The following PRKG1 variants were observed in gnomAD, a reference collection of about 807,000 sequenced individuals.
PRKG1 encodes the protein protein kinase cGMP-dependent 1, also known as cGMP-dependent protein kinase 1.
A neutral mutation model predicts 88.1 loss-of-function variants in PRKG1; 35 were observed. That is an observed-to-expected ratio of 0.40 (90% CI 0.30 to 0.53). The LOEUF is 0.53. PRKG1 is among the 20% of genes least tolerant of loss of function. The pLI, the probability that PRKG1 is intolerant of heterozygous loss-of-function variation, is 0.59. For missense variants in PRKG1, 540 were observed against 839.8 expected, an observed-to-expected ratio of 0.64 and a Z score of 4.41; for synonymous variants, 303 against 292.5, an observed-to-expected ratio of 1.04 and a Z score of -0.37.
intron 3 of PRKG1, among the ~76,000 whole-genome samples, chr10:51,551,010 G>A (rs2339791): frequency 0.12 from 18,419 of 151,790 alleles, 1,555 homozygotes; most frequent in Non-Finnish European, 0.19. Context: ...CCAAATTCAG[G>A]CATATAAAAA....
chr10:52,181,053 T>C (rs1280414833), intron 9 of PRKG1, among the ~76,000 whole-genome samples: 2 of 152,144 alleles, frequency 1.3e-5, no homozygotes, highest in Non-Finnish European at 2.9e-5. Context: ...GGGCAGCCAA[T>C]AAGGCTATTT....
chr10:51,940,158 A>G (rs915190249), intron 5 of PRKG1, among the ~76,000 whole-genome samples: 4 of 151,812 alleles, frequency 2.6e-5, no homozygotes, highest in Admixed American at 1.3e-4. Context: ...AGACAGGTAT[A>G]CCAAATATCC....
At chr10:51,855,089 C>T (rs1053589329) in intron 4 of PRKG1, among the ~76,000 whole-genome samples, 3 of 152,180 alleles carry the variant, frequency 2.0e-5, no homozygotes, top group African/African-American at 4.8e-5. Context: ...AATCATTCAG[C>T]ATAATGTCGT....
intron 2 of PRKG1, among the ~76,000 whole-genome samples, chr10:51,230,419 G>C (rs1399424390): frequency 6.6e-6 from 1 of 151,874 alleles, no homozygotes; most frequent in African/African-American, 2.4e-5. Flanking sequence ...ACTTACTGTT[G>C]GTATTTTTAC....
At chr10:52,189,036 A>C (rs537563298) in intron 9 of PRKG1, among the ~76,000 whole-genome samples, 1 of 152,328 alleles carries the variant, frequency 6.6e-6, no homozygotes, top group African/African-American at 2.4e-5. Context: ...TTATTTAATA[A>C]GAAGGAAAAT....
At chr10:51,587,368 G>A (rs7099516) in intron 3 of PRKG1, among the ~76,000 whole-genome samples, 5 of 152,012 alleles carry the variant, frequency 3.3e-5, no homozygotes, top group African/African-American at 4.8e-5. Context: ...TGTAAATTAC[G>A]CATGTCAAAC....
intron 2 of PRKG1, among the ~76,000 whole-genome samples, chr10:51,407,784 C>A (rs147909142): frequency 6.6e-6 from 1 of 152,144 alleles, no homozygotes; most frequent in Non-Finnish European, 1.5e-5. Context: ...TAAGAGACAC[C>A]CTAATGGATC....
chr10:52,013,187 G>A (rs1164267879), intron 5 of PRKG1, among the ~76,000 whole-genome samples: 2 of 152,082 alleles, frequency 1.3e-5, no homozygotes, highest in African/African-American at 4.8e-5. Flanking sequence ...GGGAAGCCAA[G>A]GCAGGAAGAT....
intron 2 of PRKG1, among the ~76,000 whole-genome samples, chr10:51,310,573 C>G (rs1268356046): frequency 6.6e-6 from 1 of 152,206 alleles, no homozygotes; most frequent in Non-Finnish European, 1.5e-5. Context: ...GCCTCTTATA[C>G]TTGGCTGACT....
At chr10:51,872,659 T>C (rs767247634) in intron 4 of PRKG1, among the ~76,000 whole-genome samples, 1 of 152,196 alleles carries the variant, frequency 6.6e-6, no homozygotes. Context: ...ACGTGCTTAC[T>C]GGTAAATCCT....
At chr10:51,338,745 A>C (rs765393259) in intron 2 of PRKG1, among the ~76,000 whole-genome samples, 20 of 152,320 alleles carry the variant, frequency 1.3e-4, no homozygotes, top group Non-Finnish European at 2.8e-4. Context: ...GGGATGTCTG[A>C]TTAGTGATGC....
At chr10:51,324,613 C>A (rs1477875982) in intron 2 of PRKG1, among the ~76,000 whole-genome samples, 1 of 149,570 alleles carries the variant, frequency 6.7e-6, no homozygotes, top group Non-Finnish European at 1.5e-5. Context: ...TGGTGGCGGG[C>A]GCCTGTAATC....
At chr10:51,071,715 G>T (rs181933001), upstream of PRKG1, among the ~76,000 whole-genome samples, 11 of 152,052 alleles carry the variant, frequency 7.2e-5, no homozygotes, top group Admixed American at 2.6e-4. Context: ...AATATTTTTG[G>T]TTTTTTTATT....
chr10:51,361,366 C>T (rs569025720), intron 2 of PRKG1, among the ~76,000 whole-genome samples: 1 of 151,990 alleles, frequency 6.6e-6, no homozygotes, highest in Admixed American at 6.6e-5. Context: ...TGTTGTTTTG[C>T]TCTACTCTAT....
At chr10:51,046,133 T>C (rs1843485854) in intron 1 of PRKG1, among the ~76,000 whole-genome samples, 1 of 152,240 alleles carries the variant, frequency 6.6e-6, no homozygotes, top group Non-Finnish European at 1.5e-5. Context: ...GAAAACTTCT[T>C]CCAGTATGTA....
At chr10:52,117,200 G>GTGTGTGTGTGTGTGTA (rs1001796873) in intron 7 of PRKG1, among the ~76,000 whole-genome samples, 2 of 146,630 alleles carry the variant, frequency 1.4e-5, no homozygotes, top group African/African-American at 5.0e-5. Flanking sequence ...GTGTGTGTGT[G>GTGTGTGTGTGTGTGTA]TATGATTGGT....
At chr10:51,819,747 C>T (rs919112587) in intron 4 of PRKG1, among the ~76,000 whole-genome samples, 2 of 152,018 alleles carry the variant, frequency 1.3e-5, no homozygotes, top group Non-Finnish European at 2.9e-5. Context: ...CCACACAGTC[C>T]CAGGGGCACA....
chr10:50,992,739 C>G (rs995252646), intron 1 of PRKG1, among the ~76,000 whole-genome samples: 1 of 152,038 alleles, frequency 6.6e-6, no homozygotes, highest in African/African-American at 2.4e-5. Context: ...GAAGGCTGAT[C>G]GATTGGCTGC....
chr10:51,888,975 T>G (rs1266122340), intron 4 of PRKG1, among the ~76,000 whole-genome samples: 1 of 151,990 alleles, frequency 6.6e-6, no homozygotes. Flanking sequence ...ATAAATAAAA[T>G]TTACTTTCTT....
Sources: gnomAD v4.1 joint callset for allele counts (sites outside exome capture counted in the v4.1 genomes callset) on GRCh38, gnomAD v4.1.1 for gene constraint, MANE v1.5 for transcripts, NCBI Gene and HGNC (gene_info 2026-07-23, HGNC 2026-07-21) for gene names.